The following GRID1 variants were observed in gnomAD, a reference collection of about 807,000 sequenced individuals.
GRID1 encodes glutamate receptor ionotropic, delta-1.
GRID1 carries 28 observed loss-of-function variants against 98.0 expected under a neutral mutation model. The ratio of observed to expected loss-of-function variants is 0.29; its 90% CI spans 0.21 to 0.39. GRID1 has a LOEUF of 0.39. GRID1 is among the 10% of genes least tolerant of loss of function. The pLI is 1.00. For missense variants in GRID1, 1,111 were observed against 1,340.5 expected (o/e 0.83, Z 2.67); for synonymous variants, 553 against 538.5 (o/e 1.03, Z -0.37).
intron 8 of GRID1, among the ~76,000 whole-genome samples, chr10:85,836,700 A>C (rs1842914328): frequency 6.6e-6 from 1 of 152,106 alleles, no homozygotes; most frequent in Non-Finnish European, 1.5e-5. Context: ...CTTCCTCCTA[A>C]ATAAGAGACT....
intron 2 of GRID1, among the ~76,000 whole-genome samples, chr10:86,347,695 T>C (rs184632170): frequency 3.3e-5 from 5 of 152,352 alleles, no homozygotes; most frequent in Admixed American, 2.0e-4. Flanking sequence ...GATCCAGCCA[T>C]GCCTGAAGCG....
chr10:85,925,934 CAT>C (rs1159468700), intron 4 of GRID1, among the ~76,000 whole-genome samples: 1 of 152,202 alleles, frequency 6.6e-6, no homozygotes, highest in Admixed American at 6.5e-5. Context: ...AAGATGGAAA[CAT>C]GTGAATTCTT....
intron 5 of GRID1, 108 bp from the exon 6 acceptor site, chr10:85,869,288 G>A (rs886779568): frequency 4.3e-6 from 4 of 937,608 alleles, no homozygotes; most frequent in South Asian, 1.4e-5. Context: ...ATGCCAAAGA[G>A]GGCAAGGGAT....
intron 4 of GRID1, among the ~76,000 whole-genome samples, chr10:85,985,923 A>G (rs1842603428): frequency 6.6e-6 from 1 of 152,206 alleles, no homozygotes; most frequent in African/African-American, 2.4e-5. Flanking sequence ...CAAATTTGGA[A>G]TATGTGGTTT....
intron 8 of GRID1, among the ~76,000 whole-genome samples, chr10:85,842,673 C>G (rs1842971622): frequency 6.6e-6 from 1 of 151,996 alleles, no homozygotes; most frequent in Non-Finnish European, 1.5e-5. Flanking sequence ...TTATTTCCTA[C>G]AAACTACCAG....
At chr10:85,843,712 A>G (rs1842981135) in intron 8 of GRID1, among the ~76,000 whole-genome samples, 1 of 152,120 alleles carries the variant, frequency 6.6e-6, no homozygotes, top group Admixed American at 6.5e-5. Context: ...ACCACTGACC[A>G]TCAGTGAAGT....
Position 86,041,328 on chromosome 10 carries a change from G to A in GRID1, c.726+97491C>T, listed in dbSNP as rs141189760. Among the ~76,000 whole-genome samples, 659 of 152,292 alleles carry A rather than the reference G, an allele frequency of 4.3e-3. 8 individuals carry two copies. The highest frequency in any genetic ancestry group is 0.015 in the African/African-American group (633 of 41,538). On this transcript the variant is annotated intron_variant, in intron 4 of 15. Transcript: ENST00000327946. ...ACACCACAACAACAGAGCAAAATGT[G>A]CATCTGCTTGCACCATTACTGCCTC...
At chr10:86,254,938 G>C (rs1846894342) in intron 2 of GRID1, among the ~76,000 whole-genome samples, 1 of 152,212 alleles carries the variant, frequency 6.6e-6, no homozygotes, top group African/African-American at 2.4e-5. Context: ...AGGAAGCACA[G>C]ATAAGGACCA....
At chr10:85,914,246 G>T (rs2131823139) in intron 5 of GRID1, among the ~76,000 whole-genome samples, 1 of 152,296 alleles carries the variant, frequency 6.6e-6, no homozygotes, top group African/African-American at 2.4e-5. Context: ...AAAGAAAACA[G>T]GTTAGGAATG....
At chr10:85,886,559 A>G (rs17105926) in intron 5 of GRID1, among the ~76,000 whole-genome samples, 3,153 of 152,290 alleles carry the variant, frequency 0.021, 127 homozygotes, top group East Asian at 0.18. Flanking sequence ...AATTTCAATG[A>G]TGGACATGTG....
At chr10:86,154,739 C>T (rs561312044) in intron 3 of GRID1, among the ~76,000 whole-genome samples, 2 of 152,340 alleles carry the variant, frequency 1.3e-5, no homozygotes, top group East Asian at 3.9e-4. Flanking sequence ...CAGAAGCCCA[C>T]ACCTGAGCTA....
At chr10:85,955,896 G>C (rs1842183166) in intron 4 of GRID1, among the ~76,000 whole-genome samples, 1 of 152,154 alleles carries the variant, frequency 6.6e-6, no homozygotes, top group Non-Finnish European at 1.5e-5. Flanking sequence ...GAGGGGAGCT[G>C]GCCATTGTGC....
intron 2 of GRID1, among the ~76,000 whole-genome samples, chr10:86,294,836 G>C (rs1847564349): frequency 1.3e-5 from 2 of 152,180 alleles, no homozygotes; most frequent in Non-Finnish European, 2.9e-5. Flanking sequence ...TTAAAGTTGG[G>C]GACATGGGAC....
At chr10:85,756,414 G>A (rs1842099057) in intron 8 of GRID1, among the ~76,000 whole-genome samples, 1 of 152,152 alleles carries the variant, frequency 6.6e-6, no homozygotes, top group South Asian at 2.1e-4. Context: ...ATTGCCAGCA[G>A]CACTAATCTT....
In GRID1 at chr10:85,627,072, T is replaced by C. The variant is rs943369011; in HGVS notation, c.2194-7039A>G. Among the ~76,000 whole-genome samples the C allele has an allele frequency of 5.9e-5, 9 of 152,292 alleles. No individual in the cohort carries two copies. In the South Asian group the frequency reaches 1.9e-3, roughly 32 times the overall value. ...AATAATTGGGAATCAGATAGGTGAA[T>C]GATAGTATTAGATGGTGGAACATTA... On this transcript the variant is annotated intron_variant, in intron 13 of 15. Transcript: ENST00000327946.
chr10:85,653,909 C>T (rs1170837294), intron 12 of GRID1, among the ~76,000 whole-genome samples: 1 of 151,994 alleles, frequency 6.6e-6, no homozygotes, highest in African/African-American at 2.4e-5. Context: ...AAATAAATGC[C>T]CTTTTTAAAA....
At chr10:85,699,931 A>C (rs1430322131) in intron 12 of GRID1, among the ~76,000 whole-genome samples, 12 of 152,196 alleles carry the variant, frequency 7.9e-5, no homozygotes, top group Admixed American at 7.9e-4. Flanking sequence ...TTATACCAAC[A>C]TGCCTATTTT....
chr10:86,067,402 A>G (rs1040608847), intron 4 of GRID1, among the ~76,000 whole-genome samples: 1 of 152,188 alleles, frequency 6.6e-6, no homozygotes, highest in Non-Finnish European at 1.5e-5. Flanking sequence ...GATATTGCGC[A>G]CCAAGGGACT....
At chr10:85,934,484 G>A (rs1476459197) in intron 4 of GRID1, among the ~76,000 whole-genome samples, 1 of 149,570 alleles carries the variant, frequency 6.7e-6, no homozygotes, top group East Asian at 2.0e-4. Context: ...TCATCAAAAT[G>A]ACACACCTCC....
Sources: allele counts gnomAD v4.1 joint callset (sites outside exome capture counted in the v4.1 genomes callset), GRCh38; gene constraint gnomAD v4.1.1; transcripts MANE v1.5; gene names NCBI Gene and HGNC (gene_info 2026-07-23, HGNC 2026-07-21).